Variants in PCOLCE2 observed in about 807,000 individuals in gnomAD.
PCOLCE2 encodes procollagen C-endopeptidase enhancer 2, also known as procollagen C-proteinase enhancer 2.
In PCOLCE2, 42 loss-of-function variants were observed where a neutral mutation model predicts 47.0. The ratio of observed to expected loss-of-function variants is 0.89; its 90% confidence interval spans 0.70 to 1.16. The LOEUF (loss-of-function observed/expected upper bound fraction) is 1.16, where lower values mean the gene tolerates loss of function less well. PCOLCE2 is among the 50% of genes most tolerant of loss of function. The pLI, the probability that PCOLCE2 is intolerant of heterozygous loss-of-function variation, is 0.00. For synonymous variants in PCOLCE2, 169 were observed against 191.7 expected, an observed-to-expected ratio of 0.88 and a Z score of 0.98; for missense variants, 500 against 526.1, an observed-to-expected ratio of 0.95 and a Z score of 0.49.
At chr3:142,833,034 G>A (rs1425806748) in intron 5 of PCOLCE2, among the ~76,000 whole-genome samples, 1 of 152,178 alleles carries the variant, frequency 6.6e-6, no homozygotes, top group East Asian at 1.9e-4. Flanking sequence ...CACCCTCATG[G>A]AGGCAGCCAC....
At chr3:142,877,768 T>C (rs776704267) in intron 2 of PCOLCE2, among the ~76,000 whole-genome samples, 135 of 152,316 alleles carry the variant, frequency 8.9e-4, no homozygotes, top group Non-Finnish European at 9.4e-4. Flanking sequence ...CCATGGTCCC[T>C]GTCACCCTGT....
chr3:142,843,947 AAAGT>A lies in PCOLCE2; in HGVS notation c.449-903_449-900del, dbSNP rs1232666212. Among the ~76,000 whole-genome samples, 7 of 152,324 alleles carry A rather than the reference AAAGT, an allele frequency of 4.6e-5. No homozygotes were observed. The East Asian group carries it at 1.4e-3, about 29-fold the overall frequency. On this transcript the variant is annotated intron_variant, in intron 3 of 8. Coordinates refer to ENST00000295992, the MANE Select transcript of PCOLCE2 (RefSeq NM_013363.4). ...TTAATGAAAAATTTCAAGTATATACAAAGTAAGTAGAATAATATAATGACCTCCT... is the reference window on the plus strand; with the variant it reads ...TTAATGAAAAATTTCAAGTATATACAAAGTAGAATAATATAATGACCTCCT...
rs41267845 is a variant in PCOLCE2, at chr3:142,848,361, G to T, written c.304C>A (p.Arg102Ser). ...AAAGTGCCACAGAAGCGGCCAATGC[G>T]CTGGCCATTGGCATGGCCATTGTAC... ...DVYNGHANGQ[R>S]IGRFCGTFRP... The change falls in exon 3 of 9, where the codon CGC becomes AGC. Residue 102 changes from arginine (R) to serine (S), a missense_variant. Transcript: ENST00000295992. 2 of 1,614,020 alleles carry T rather than the reference G, an allele frequency of 1.2e-6. No homozygotes were observed. Among genetic ancestry groups the T allele is most frequent in the Admixed American group, 3.3e-5 (2 of 60,032 alleles).
intron 2 of PCOLCE2, among the ~76,000 whole-genome samples, chr3:142,863,317 T>C (rs1347719074): frequency 6.6e-6 from 1 of 152,166 alleles, no homozygotes; most frequent in African/African-American, 2.4e-5. Context: ...TTGATGTTGT[T>C]TTGCTTTAGA....
intron 2 of PCOLCE2, among the ~76,000 whole-genome samples, chr3:142,869,016 G>C (rs996618272): frequency 6.6e-6 from 1 of 152,322 alleles, no homozygotes; most frequent in South Asian, 2.1e-4. Context: ...CCTTGGCCGG[G>C]TGCGGTGGCT....
intron 2 of PCOLCE2, among the ~76,000 whole-genome samples, chr3:142,884,781 T>C (rs908939609): frequency 3.3e-5 from 5 of 152,220 alleles, no homozygotes; most frequent in African/African-American, 7.2e-5. Flanking sequence ...CTCAACATTT[T>C]ACGTGAGTAA....
At chr3:142,859,898 A>C (rs1933146301) in intron 2 of PCOLCE2, among the ~76,000 whole-genome samples, 1 of 152,242 alleles carries the variant, frequency 6.6e-6, no homozygotes, top group African/African-American at 2.4e-5. Flanking sequence ...CTTCTGGGAT[A>C]AGAGAAATCA....
intron 5 of PCOLCE2, 88 bp from the exon 6 acceptor site, chr3:142,829,934 C>T (rs904319219): frequency 3.8e-5 from 26 of 675,480 alleles, no homozygotes; most frequent in Middle Eastern, 4.0e-4. Context: ...CCATTAACTT[C>T]CGACAATAGA....
Position 142,888,879 on chromosome 3 carries a change from G to C in PCOLCE2, c.18C>G (p.Ala6=), listed in dbSNP as rs1292197724. 6.5e-7 allele frequency: 1 copy of C among 1,530,008 alleles called. No homozygotes were observed. Among genetic ancestry groups the C allele is most frequent in the Admixed American group, 2.1e-5 (1 of 48,012 alleles). 94.8% of individuals were successfully genotyped at this position (1,530,008 alleles called of 1,614,324 possible). A position where few individuals can be genotyped will look rare whatever the true frequency, so the allele number is the denominator to read the frequency against. Residue 6 remains alanine, a synonymous_variant, in exon 1 of 9, where the codon GCC becomes GCG. Coordinates refer to ENST00000295992, the MANE Select transcript of PCOLCE2 (RefSeq NM_013363.4). MRGAN[A]WAPLCLLLAA... ...CCAGCAGCAGGCAGAGTGGCGCCCA[G>C]GCGTTCGCGCCCCTCATGGCAGCGT...
intron 2 of PCOLCE2, among the ~76,000 whole-genome samples, chr3:142,878,562 C>A (rs923905405): frequency 6.6e-6 from 1 of 152,132 alleles, no homozygotes; most frequent in Non-Finnish European, 1.5e-5. Flanking sequence ...CGACAGCACA[C>A]AAAAGCACTC....
intron 2 of PCOLCE2, among the ~76,000 whole-genome samples, chr3:142,862,505 G>A (rs1452395537): frequency 6.6e-6 from 1 of 152,060 alleles, no homozygotes; most frequent in East Asian, 1.9e-4. Flanking sequence ...TTCCCTTACT[G>A]TAATTTTGGT....
At chr3:142,823,940 G>C (rs941242759) in intron 6 of PCOLCE2, among the ~76,000 whole-genome samples, 2 of 152,132 alleles carry the variant, frequency 1.3e-5, no homozygotes, top group African/African-American at 4.8e-5. Flanking sequence ...GCCCTGTTTA[G>C]AAAAACCCAG....
intron 2 of PCOLCE2, among the ~76,000 whole-genome samples, chr3:142,861,013 T>C (rs1933172465): frequency 6.6e-6 from 1 of 152,256 alleles, no homozygotes; most frequent in Non-Finnish European, 1.5e-5. Context: ...CCTCCTTTAG[T>C]TTTCTTACCA....
intron 2 of PCOLCE2, among the ~76,000 whole-genome samples, chr3:142,869,067 G>A (rs1332653916): frequency 6.6e-6 from 1 of 152,020 alleles, no homozygotes; most frequent in Non-Finnish European, 1.5e-5. Context: ...TGAGGCAGGT[G>A]GATCACGAGG....
intron 4 of PCOLCE2, among the ~76,000 whole-genome samples, chr3:142,841,546 A>G (rs1018738431): frequency 1.3e-5 from 2 of 151,976 alleles, no homozygotes; most frequent in East Asian, 1.9e-4. Context: ...CAGAAACACA[A>G]TTTTTAAAAT....
rs372919786 is a variant in PCOLCE2 at position 142,843,042 on chromosome 3, T to C, written c.455A>G (p.Gln152Arg). ...TCTGTCAAGGAGTCCTCCACAATAC[T>C]GATCCCCTTCAAGTATTAAACAAGG... ...SAAEPNERGD[Q>R]YCGGLLDRPS... The change falls in exon 4 of 9, where the codon CAG (glutamine) becomes CGG (arginine). Residue 152 changes from glutamine (Q) to arginine (R), a missense_variant. Transcript: ENST00000295992. 1.9e-6 allele frequency: 3 copies of C among 1,613,394 alleles called. No individual in the cohort carries two copies. Among genetic ancestry groups the C allele is most frequent in the Non-Finnish European group, 1.7e-6 (2 of 1,179,662 alleles).
At chr3:142,867,525 A>C (rs1933309834) in intron 2 of PCOLCE2, among the ~76,000 whole-genome samples, 1 of 152,238 alleles carries the variant, frequency 6.6e-6, no homozygotes, top group African/African-American at 2.4e-5. Flanking sequence ...AAGAATTACA[A>C]CTTCATGATA....
At chr3:142,854,769 A>G (rs1179393887) in intron 2 of PCOLCE2, among the ~76,000 whole-genome samples, 1 of 152,196 alleles carries the variant, frequency 6.6e-6, no homozygotes, top group Non-Finnish European at 1.5e-5. Context: ...ATTATAGTTC[A>G]CACACTTAGT....
chr3:142,823,727 T>C, intron 6 of PCOLCE2, 112 bp from the exon 7 acceptor site: 1 of 660,532 alleles, frequency 1.5e-6, no homozygotes. Flanking sequence ...GCCACCAATC[T>C]ATCACTACAA....
Sources: gnomAD v4.1 joint callset for allele counts (sites outside exome capture counted in the v4.1 genomes callset) on GRCh38, gnomAD v4.1.1 for gene constraint, MANE v1.5 for transcripts, NCBI Gene and HGNC (gene_info 2026-07-23, HGNC 2026-07-21) for gene names.